SARNP: variants seen among roughly 807,000 people sequenced by gnomAD.
SARNP encodes the protein SAP domain containing ribonucleoprotein.
A neutral mutation model predicts 38.1 loss-of-function variants in SARNP; 5 were observed. The observed-to-expected ratio is 0.13, with a 90% CI of 0.07 to 0.28. SARNP has a LOEUF of 0.28. Ranked by LOEUF, SARNP falls within the 10% of genes least tolerant of loss-of-function variation. The pLI, the probability that SARNP is intolerant of heterozygous loss-of-function variation, is 1.00. For synonymous variants in SARNP, 84 were observed against 80.6 expected (o/e 1.04, Z -0.23); for missense variants, 180 against 243.9 (o/e 0.74, Z 1.75).
intron 8 of SARNP, among the ~76,000 whole-genome samples, chr12:55,789,629 A>G (rs1370181585): frequency 1.3e-5 from 2 of 152,148 alleles, no homozygotes; most frequent in African/African-American, 4.8e-5. Flanking sequence ...ACCTTGGTAC[A>G]TGGACTTGCT....
At chr12:55,794,202 AAGTATAATT>A in intron 7 of SARNP, 148 bp downstream of exon 7, 1 of 685,710 alleles carries the variant, frequency 1.5e-6, no homozygotes, top group South Asian at 1.7e-5. Context: ...AGGAAGGCCT[AAGTATAATT>A]TTACCTAAAG....
chr12:55,800,136 A>G (rs1004494564), intron 4 of SARNP, among the ~76,000 whole-genome samples: 1 of 151,918 alleles, frequency 6.6e-6, no homozygotes, highest in Non-Finnish European at 1.5e-5. Context: ...AGTTACGGTG[A>G]GCCAAGATCA....
intron 9 of SARNP, among the ~76,000 whole-genome samples, chr12:55,785,170 C>A (rs943846549): frequency 3.3e-5 from 5 of 152,078 alleles, no homozygotes; most frequent in Admixed American, 6.6e-5. Flanking sequence ...ATTTCAGATG[C>A]ACTACTCTAG....
intron 9 of SARNP, among the ~76,000 whole-genome samples, chr12:55,782,025 CTG>C (rs953245051): frequency 2.6e-5 from 4 of 152,276 alleles, no homozygotes; most frequent in Admixed American, 1.3e-4. Flanking sequence ...TATTGTGACA[CTG>C]TGTTAACACA....
chr12:55,777,381 AT>A (rs540892065), intron 9 of SARNP, among the ~76,000 whole-genome samples: 31 of 143,588 alleles, frequency 2.2e-4, no homozygotes, highest in South Asian at 2.2e-4. Flanking sequence ...TTTTTTTTTT[AT>A]TTTTTTTTTT....
rs148197607 is a variant in SARNP, at chr12:55,767,441, C to T, written c.502-6801G>A. On this transcript the variant is annotated intron_variant, in intron 9 of 10. Transcript: ENST00000336133. Reference sequence around the variant, plus strand: ...GTACATGCCTGTGGTTCCAGCTACTCGAGAGGCTGATGGGGGAGGACTGCT... The same window carrying T: ...GTACATGCCTGTGGTTCCAGCTACTTGAGAGGCTGATGGGGGAGGACTGCT... 3.1e-3 allele frequency among the ~76,000 whole-genome samples: 465 copies of T among 151,622 alleles called. 4 individuals carry two copies. The highest frequency in any genetic ancestry group is 0.01 in the African/African-American group (433 of 41,334).
At chr12:55,760,824 A>T in intron 9 of SARNP, 184 bp from the exon 10 acceptor site, 1 of 529,506 alleles carries the variant, frequency 1.9e-6, no homozygotes, top group South Asian at 3.0e-5. Context: ...TTGTACCTAG[A>T]ATGACTAAAA....
At chr12:55,797,497 T>A (rs1413377870) in intron 4 of SARNP, among the ~76,000 whole-genome samples, 1 of 152,174 alleles carries the variant, frequency 6.6e-6, no homozygotes, top group Non-Finnish European at 1.5e-5. Context: ...TTCCCTAACC[T>A]TGTCTTATAA....
chr12:55,796,173 C>T, intron 4 of SARNP, 97 bp from the exon 5 acceptor site: 1 of 831,106 alleles, frequency 1.2e-6, no homozygotes, highest in Non-Finnish European at 2.0e-6. Flanking sequence ...CATTCTCTGC[C>T]CTATTATCTC....
intron 1 of SARNP, among the ~76,000 whole-genome samples, chr12:55,811,676 C>T (rs1321922428): frequency 6.6e-6 from 1 of 152,174 alleles, no homozygotes; most frequent in Admixed American, 6.5e-5. Flanking sequence ...ATATTAACTG[C>T]CAAAGTCTTG....
intron 1 of SARNP, among the ~76,000 whole-genome samples, chr12:55,812,935 C>T (rs1218199582): frequency 6.6e-6 from 1 of 152,156 alleles, no homozygotes; most frequent in Non-Finnish European, 1.5e-5. Context: ...AATCAATGAT[C>T]AGATAGCGTT....
At chr12:55,757,667 T>A in intron 10 of SARNP, 114 bp from the exon 11 acceptor site, 4 of 662,564 alleles carry the variant, frequency 6.0e-6, no homozygotes, top group East Asian at 3.0e-5. Context: ...GAAGGAAGGA[T>A]GGCCCAGACT....
intron 4 of SARNP, among the ~76,000 whole-genome samples, chr12:55,798,691 G>C (rs1469013639): frequency 6.6e-6 from 1 of 152,048 alleles, no homozygotes; most frequent in Non-Finnish European, 1.5e-5. Flanking sequence ...CAGAAGACTG[G>C]TGAAATAAAT....
At chr12:55,772,664 T>C (rs1346386169) in intron 9 of SARNP, among the ~76,000 whole-genome samples, 1 of 151,570 alleles carries the variant, frequency 6.6e-6, no homozygotes, top group Non-Finnish European at 1.5e-5. Context: ...GGATAAGTGA[T>C]GCAGAGCCTG....
chr12:55,790,615 AT>A, intron 7 of SARNP, 23 bp from the exon 8 acceptor site: 1 of 1,483,914 alleles, frequency 6.7e-7, no homozygotes, highest in East Asian at 2.5e-5. Context: ...ATAAAGTTTT[AT>A]TTAATATTTT....
intron 4 of SARNP, among the ~76,000 whole-genome samples, chr12:55,796,559 C>T (rs755594753): frequency 2.8e-4 from 43 of 152,240 alleles, no homozygotes; most frequent in African/African-American, 7.7e-4. Context: ...CCTGCCACCA[C>T]GCCGAGCTAA....
intron 7 of SARNP, among the ~76,000 whole-genome samples, chr12:55,791,442 C>T (rs965645669): frequency 2.0e-5 from 3 of 152,082 alleles, no homozygotes; most frequent in Non-Finnish European, 4.4e-5. Context: ...CGCCTGTAAT[C>T]CCAGCACTTT....
At chr12:55,808,810 A>G (rs950250333) in intron 1 of SARNP, among the ~76,000 whole-genome samples, 1 of 151,152 alleles carries the variant, frequency 6.6e-6, no homozygotes, top group African/African-American at 2.5e-5. Context: ...AAAACAGCTG[A>G]AAATGATGTA....
chr12:55,760,313 C>A (rs1260295045), intron 10 of SARNP: 5 of 503,298 alleles, frequency 9.9e-6, no homozygotes, highest in Middle Eastern at 5.1e-4. Flanking sequence ...CCAGCCTGAG[C>A]AACAGAATGA....
Sources: allele counts gnomAD v4.1 joint callset (sites outside exome capture counted in the v4.1 genomes callset), GRCh38; gene constraint gnomAD v4.1.1; transcripts MANE v1.5; gene names NCBI Gene and HGNC (gene_info 2026-07-23, HGNC 2026-07-21).